The following CRTAC1 variants were observed in gnomAD, a reference collection of about 807,000 sequenced individuals.
CRTAC1 encodes acidic secreted protein in cartilage.
In CRTAC1, 37 loss-of-function variants were observed where a neutral mutation model predicts 67.8. The ratio of observed to expected loss-of-function variants is 0.55; its 90% CI spans 0.42 to 0.72. The LOEUF is 0.72. CRTAC1 is among the 30% of genes least tolerant of loss of function. The pLI is 0.00. For synonymous variants in CRTAC1, 348 were observed against 371.0 expected (o/e 0.94, Z 0.71); for missense variants, 780 against 931.6 (o/e 0.84, Z 2.12).
At chr10:98,002,487 C>T (rs1408535336) in intron 2 of CRTAC1, among the ~76,000 whole-genome samples, 1 of 152,164 alleles carries the variant, frequency 6.6e-6, no homozygotes, top group Non-Finnish European at 1.5e-5. Flanking sequence ...AATGCCACCT[C>T]CAGACCTCTG....
At chr10:97,984,558 ATGT>A (rs2051948818) in intron 2 of CRTAC1, among the ~76,000 whole-genome samples, 1 of 152,196 alleles carries the variant, frequency 6.6e-6, no homozygotes. Context: ...TGAGCTGGTA[ATGT>A]TGTTTTGGGT....
intron 2 of CRTAC1, among the ~76,000 whole-genome samples, chr10:97,952,149 A>C (rs546155006): frequency 4.3e-4 from 66 of 152,128 alleles, no homozygotes; most frequent in Non-Finnish European, 7.4e-4. Context: ...TCAGGAGATC[A>C]AGACCAGCCT....
intron 2 of CRTAC1, among the ~76,000 whole-genome samples, chr10:97,994,380 C>A (rs531636693): frequency 6.6e-6 from 1 of 152,096 alleles, no homozygotes; most frequent in Non-Finnish European, 1.5e-5. Context: ...ATAGGGTGCT[C>A]GCTCTGGTCT....
intron 2 of CRTAC1, among the ~76,000 whole-genome samples, chr10:97,999,421 G>T (rs771211152): frequency 6.6e-6 from 1 of 152,256 alleles, no homozygotes; most frequent in African/African-American, 2.4e-5. Flanking sequence ...GCCCAGCCAG[G>T]TGTGCACAGG....
At chr10:97,981,380 T>C (rs1159928234) in intron 2 of CRTAC1, among the ~76,000 whole-genome samples, 1 of 152,250 alleles carries the variant, frequency 6.6e-6, no homozygotes, top group African/African-American at 2.4e-5. Flanking sequence ...AAAGTTGGGA[T>C]TCTGCTGTAT....
chr10:98,005,767 T>A (rs766444077), intron 2 of CRTAC1, among the ~76,000 whole-genome samples: 11 of 152,074 alleles, frequency 7.2e-5, no homozygotes, highest in Admixed American at 2.0e-4. Context: ...TTTTAAAAAA[T>A]CATTGTTCTT....
intron 2 of CRTAC1, among the ~76,000 whole-genome samples, chr10:97,962,465 A>C (rs2051541366): frequency 6.6e-6 from 1 of 152,190 alleles, no homozygotes; most frequent in Admixed American, 6.5e-5. Context: ...TTCAGAACAT[A>C]ATATTATTAG....
chr10:98,017,453 G>A (rs965990394), intron 1 of CRTAC1, among the ~76,000 whole-genome samples: 1 of 152,154 alleles, frequency 6.6e-6, no homozygotes, highest in Non-Finnish European at 1.5e-5. Flanking sequence ...TGTGCGGAGG[G>A]GGAAAAGAAG....
chr10:97,908,258 G>A (rs2050642217), intron 5 of CRTAC1, 111 bp from the exon 6 acceptor site: 6 of 1,154,972 alleles, frequency 5.2e-6, no homozygotes, highest in African/African-American at 1.6e-5. Flanking sequence ...CTCCTCAGAG[G>A]AGCCTGGGGG....
At chr10:97,940,056 G>T (rs1023767648) in intron 2 of CRTAC1, among the ~76,000 whole-genome samples, 1 of 152,218 alleles carries the variant, frequency 6.6e-6, no homozygotes, top group Non-Finnish European at 1.5e-5. Context: ...ATACAAGAAT[G>T]AGTGAATCAG....
rs1419260331 is a variant in CRTAC1 at position 97,895,758 on chromosome 10, C to A, written c.1317+127G>T. 8 of 738,304 alleles carry A rather than the reference C, an allele frequency of 1.1e-5. No individual in the cohort carries two copies. The highest frequency in any genetic ancestry group is 1.7e-5 in the Non-Finnish European group (8 of 458,406). 45.7% of individuals were successfully genotyped at this position (738,304 alleles called of 1,614,324 possible). On this transcript the variant is annotated intron_variant, in intron 10 of 14. Coordinates refer to ENST00000370597, the MANE Select transcript of CRTAC1 (RefSeq NM_018058.7). This position sits in a 1 kb window ranked among gnomAD's most constrained non-coding sequence, Gnocchi z 4.2. ...GCTGCTGGAATTTACTTCCCTCCTC[C>A]AGGGCCCGGGACTTCCATTACCCAC... is the stretch of plus-strand genomic sequence containing the variant.
chr10:98,018,587 C>G (rs1005201198), intron 1 of CRTAC1, among the ~76,000 whole-genome samples: 3 of 152,188 alleles, frequency 2.0e-5, no homozygotes, highest in African/African-American at 7.2e-5. Context: ...GGTAACCAAG[C>G]AACCTGGATT....
intron 1 of CRTAC1, among the ~76,000 whole-genome samples, chr10:98,012,316 C>A (rs1842924741): frequency 6.6e-6 from 1 of 152,088 alleles, no homozygotes; most frequent in Admixed American, 6.6e-5. Flanking sequence ...TTCCACCCCC[C>A]TTGAGTGAAA....
intron 2 of CRTAC1, among the ~76,000 whole-genome samples, chr10:97,955,371 T>C (rs1224210201): frequency 6.6e-6 from 1 of 152,230 alleles, no homozygotes; most frequent in African/African-American, 2.4e-5. Context: ...TAAGATTTTC[T>C]TTTTGTTTCA....
intron 14 of CRTAC1, among the ~76,000 whole-genome samples, chr10:97,877,414 A>G (rs2050160744): frequency 6.8e-6 from 1 of 146,802 alleles, no homozygotes; most frequent in Non-Finnish European, 1.5e-5. Flanking sequence ...TTCACTTACC[A>G]TTGTATGCCT....
chr10:97,938,869 G>T (rs770146179), intron 2 of CRTAC1, among the ~76,000 whole-genome samples: 16 of 152,330 alleles, frequency 1.1e-4, no homozygotes, highest in Non-Finnish European at 2.2e-4. Flanking sequence ...TGTGGCAAAA[G>T]GCAGCCCTGG....
intron 5 of CRTAC1, 129 bp from the exon 6 acceptor site, chr10:97,908,276 G>A (rs1405452725): frequency 1.1e-6 from 1 of 937,542 alleles, no homozygotes; most frequent in East Asian, 2.6e-5. Flanking sequence ...GGGGAATTCT[G>A]CTTCCCGTGC....
At chr10:98,001,463 C>T (rs184600242) in intron 2 of CRTAC1, among the ~76,000 whole-genome samples, 10 of 152,076 alleles carry the variant, frequency 6.6e-5, no homozygotes, top group Admixed American at 1.3e-4. Flanking sequence ...CATGATATTA[C>T]GTGTCTCTAG....
intron 11 of CRTAC1, among the ~76,000 whole-genome samples, chr10:97,889,730 T>C (rs2050339531): frequency 6.6e-6 from 1 of 152,118 alleles, no homozygotes; most frequent in East Asian, 1.9e-4. Context: ...ACATGCGCAC[T>C]GCACCTTGCT....
Sources: allele counts gnomAD v4.1 joint callset (sites outside exome capture counted in the v4.1 genomes callset), GRCh38; gene constraint gnomAD v4.1.1; non-coding constraint Gnocchi (gnomAD v3.1); transcripts MANE v1.5; gene names NCBI Gene and HGNC (gene_info 2026-07-23, HGNC 2026-07-21).